LRRC36: variants seen among roughly 807,000 people sequenced by gnomAD.
The protein encoded by LRRC36 is leucine rich repeat containing 36.
A neutral mutation model predicts 81.1 loss-of-function variants in LRRC36; 62 were observed. That is an observed-to-expected ratio of 0.76 (90% confidence interval 0.62 to 0.94). The LOEUF (loss-of-function observed/expected upper bound fraction) is 0.94. LRRC36 is among the 40% of genes least tolerant of loss of function. LRRC36 has a pLI of 0.00. For synonymous variants in LRRC36, 334 were observed against 348.6 expected, an observed-to-expected ratio of 0.96 and a Z score of 0.47; for missense variants, 761 against 881.7, an observed-to-expected ratio of 0.86 and a Z score of 1.73.
At chr16:67,344,562 C>A (rs935880696) in intron 2 of LRRC36, among the ~76,000 whole-genome samples, 1 of 152,106 alleles carries the variant, frequency 6.6e-6, no homozygotes, top group Non-Finnish European at 1.5e-5. Context: ...CCACTACACT[C>A]CAGCCTGGGT....
rs1246372001 is a variant in LRRC36, at chr16:67,339,129, A to C, written c.71-2828A>C. Among the ~76,000 whole-genome samples the C allele has an allele frequency of 2.0e-5, 3 of 151,262 alleles. No homozygotes were observed. The East Asian group carries it at 5.8e-4, about 29-fold the overall frequency. On this transcript the variant is annotated intron_variant, in intron 1 of 13. Transcript: ENST00000329956. ...AGGCTGGTCTCGAACTCCTGACCTC[A>C]AGTGATCCGCCCACCTCAGCCTCCC...
intron 11 of LRRC36, 117 bp downstream of exon 11, chr16:67,376,989 C>T (rs2039926029): frequency 8.8e-7 from 1 of 1,138,836 alleles, no homozygotes; most frequent in Non-Finnish European, 1.2e-6. Flanking sequence ...AGTCTGGGCA[C>T]AGCAGGAATA....
At chr16:67,373,412 T>A (rs1250618768) in intron 9 of LRRC36, among the ~76,000 whole-genome samples, 1 of 151,668 alleles carries the variant, frequency 6.6e-6, no homozygotes, top group African/African-American at 2.4e-5. Flanking sequence ...ATTTTTTTTT[T>A]AAAGCCGGGC....
chr16:67,382,256 G>A lies in LRRC36; in HGVS notation c.2045+9G>A. ...CTCCATGAAAGTCAGAGGTAGGAGA[G>A]GGTCTATCTAGCTTGCTTCTAGAAG... On this transcript the variant is annotated intron_variant, in intron 13 of 13. Transcript: ENST00000329956. The A allele has an allele frequency of 6.3e-7, 1 of 1,593,406 alleles. No homozygotes were observed. The highest frequency in any genetic ancestry group is 1.1e-5 in the South Asian group (1 of 90,286).
chr16:67,348,988 T>C (rs2038488237), intron 4 of LRRC36, among the ~76,000 whole-genome samples: 1 of 152,216 alleles, frequency 6.6e-6, no homozygotes, highest in South Asian at 2.1e-4. Context: ...CTTAGTTTCC[T>C]ATTTTTTAAA....
intron 1 of LRRC36, among the ~76,000 whole-genome samples, chr16:67,335,182 A>G (rs964263151): frequency 3.3e-5 from 5 of 152,216 alleles, no homozygotes; most frequent in Non-Finnish European, 5.9e-5. Context: ...GCCTGGGAGC[A>G]CTACGGGAGA....
chr16:67,380,161 G>T (rs2142178810), intron 12 of LRRC36, among the ~76,000 whole-genome samples: 1 of 152,212 alleles, frequency 6.6e-6, no homozygotes, highest in South Asian at 2.1e-4. Context: ...AAATAATGCT[G>T]CTATTAATGT....
intron 5 of LRRC36, among the ~76,000 whole-genome samples, chr16:67,353,045 A>G (rs1222980377): frequency 6.6e-6 from 1 of 152,102 alleles, no homozygotes; most frequent in Non-Finnish European, 1.5e-5. Flanking sequence ...ATATTGGTCT[A>G]GCTTTGACAA....
At chr16:67,362,146 C>G (rs2039178370) in intron 5 of LRRC36, 1 of 451,732 alleles carries the variant, frequency 2.2e-6, no homozygotes, top group Non-Finnish European at 4.4e-6. Flanking sequence ...ACAGAGTGTT[C>G]TAATACGTTT....
chr16:67,335,223 C>T (rs574671463), intron 1 of LRRC36, among the ~76,000 whole-genome samples: 2 of 152,278 alleles, frequency 1.3e-5, no homozygotes, highest in South Asian at 2.1e-4. Flanking sequence ...CAGCTGTGAC[C>T]ATAAAAGACA....
Position 67,327,007 on chromosome 16 carries a change from C to T in LRRC36, c.70+75C>T, listed in dbSNP as rs2037209399. The T allele has an allele frequency of 3.0e-6, 4 of 1,355,864 alleles. No homozygotes were observed. In the Admixed American group the frequency reaches 1.0e-4, roughly 35 times the overall value. 84.0% of individuals were successfully genotyped at this position (1,355,864 alleles called of 1,614,324 possible). ...GTGGAAAGAAAACTGAAGTGGAAGG[C>T]GGGGAACCTGAGATAGAGGCGAGGG... On this transcript the variant is annotated intron_variant, in intron 1 of 13. Transcript: ENST00000329956.
rs749154725 is a variant in LRRC36 at position 67,347,500 on chromosome 16, C to T, written c.397C>T (p.Arg133Ter). The T allele has an allele frequency of 8.7e-6, 14 of 1,612,824 alleles. No individual in the cohort carries two copies. The highest frequency in any genetic ancestry group is 1.7e-5 in the Admixed American group (1 of 59,966). The change falls in exon 4 of 14, where the codon CGA becomes TGA. Residue 133 changes from arginine (R) to a stop codon, truncating the protein, a stop_gained. Coordinates refer to ENST00000329956, the MANE Select transcript of LRRC36 (RefSeq NM_018296.6). LOFTEE classifies it high-confidence loss of function. ...ACCACGGTTTTTGCCTCCAGATGACCGAACTGTACGTGAAGGTGAGAGAAA... is the reference window on the plus strand; with the variant it reads ...ACCACGGTTTTTGCCTCCAGATGACTGAACTGTACGTGAAGGTGAGAGAAA... ...TLQTLEKLDD[R>*]TVREGERKAA... is the part of the protein sequence containing the mutation.
chr16:67,369,167 G>C (rs2039530242), intron 8 of LRRC36, among the ~76,000 whole-genome samples: 1 of 152,168 alleles, frequency 6.6e-6, no homozygotes, highest in South Asian at 2.1e-4. Flanking sequence ...TCTGAGACTG[G>C]ATGAAATCTC....
At chr16:67,383,762 G>T (rs1029685290) in intron 13 of LRRC36, among the ~76,000 whole-genome samples, 2 of 152,112 alleles carry the variant, frequency 1.3e-5, no homozygotes, top group African/African-American at 4.8e-5. Flanking sequence ...CAGTCCCAAT[G>T]TCAACTCTAT....
chr16:67,366,591 A>G (rs1234655257), intron 7 of LRRC36, among the ~76,000 whole-genome samples: 1 of 152,072 alleles, frequency 6.6e-6, no homozygotes, highest in African/African-American at 2.4e-5. Context: ...CTCTACTAAA[A>G]ATACAAAAGC....
intron 11 of LRRC36, among the ~76,000 whole-genome samples, chr16:67,377,744 C>T (rs2039958967): frequency 6.6e-6 from 1 of 152,056 alleles, no homozygotes; most frequent in African/African-American, 2.4e-5. Flanking sequence ...AAGCGATTCT[C>T]CTGCCTCAGC....
At chr16:67,354,162 T>A (rs1319374594) in intron 5 of LRRC36, among the ~76,000 whole-genome samples, 1 of 152,068 alleles carries the variant, frequency 6.6e-6, no homozygotes, top group Non-Finnish European at 1.5e-5. Context: ...CCCCAAATAG[T>A]CCTTCCTTTC....
chr16:67,334,261 C>T (rs954447683), intron 1 of LRRC36, among the ~76,000 whole-genome samples: 15 of 151,840 alleles, frequency 9.9e-5, no homozygotes, highest in East Asian at 3.9e-4. Flanking sequence ...CCTCGTGATC[C>T]GCCCGCCTCG....
At chr16:67,379,386 G>T (rs2040028793) in intron 12 of LRRC36, among the ~76,000 whole-genome samples, 1 of 151,922 alleles carries the variant, frequency 6.6e-6, no homozygotes, top group East Asian at 1.9e-4. Context: ...CTGCAATCCA[G>T]CCTGGGTGAA....
Sources: gnomAD v4.1 joint callset for allele counts (sites outside exome capture counted in the v4.1 genomes callset) on GRCh38, gnomAD v4.1.1 for gene constraint, MANE v1.5 for transcripts, NCBI Gene and HGNC (gene_info 2026-07-23, HGNC 2026-07-21) for gene names.